Variants in CACNA1D observed in about 807,000 individuals in gnomAD.
CACNA1D encodes the protein calcium voltage-gated channel subunit alpha1 D, also known as voltage-dependent L-type calcium channel subunit alpha-1D.
In CACNA1D, 55 loss-of-function variants were observed where a neutral mutation model predicts 257.1. That is an observed-to-expected ratio of 0.21 (90% CI 0.17 to 0.27). The LOEUF is 0.27. CACNA1D is among the 10% of genes least tolerant of loss of function. The pLI is 1.00. For missense variants in CACNA1D, 1,876 were observed against 2,784.0 expected (o/e 0.67, Z 7.34); for synonymous variants, 980 against 1,014.9 (o/e 0.97, Z 0.65).
intron 3 of CACNA1D, among the ~76,000 whole-genome samples, chr3:53,607,572 G>A (rs1315595091): frequency 1.3e-5 from 2 of 152,254 alleles, no homozygotes; most frequent in East Asian, 3.8e-4. Context: ...GACAGCAAGA[G>A]TGGGGACCTG....
At chr3:53,683,408 C>G (rs1268259993) in intron 8 of CACNA1D, among the ~76,000 whole-genome samples, 1 of 152,160 alleles carries the variant, frequency 6.6e-6, no homozygotes, top group Non-Finnish European at 1.5e-5. Flanking sequence ...AGCATAGAAA[C>G]AAGCTTCAAA....
intron 29 of CACNA1D, among the ~76,000 whole-genome samples, chr3:53,758,804 A>C (rs1013664275): frequency 6.6e-6 from 1 of 152,222 alleles, no homozygotes; most frequent in Non-Finnish European, 1.5e-5. Flanking sequence ...ACACATCATC[A>C]TAGGCCAAGA....
rs551428890 is a variant in CACNA1D, at chr3:53,770,812, A to G, written c.4044+260A>G. On this transcript the variant is annotated intron_variant, in intron 32 of 47. Transcript: ENST00000350061. ...TCTGTAGCATTTCCAAGACTGAGAG[A>G]GGTGTGGGGCCTGCAGCCCTGCAGT... 6.8e-4 allele frequency among the ~76,000 whole-genome samples: 104 copies of G among 152,262 alleles called. 1 individual carries two copies. Among genetic ancestry groups the G allele is most frequent in the African/African-American group, 2.5e-3 (103 of 41,566 alleles).
At chr3:53,663,777 G>GTCTC (rs541515346) in intron 5 of CACNA1D, among the ~76,000 whole-genome samples, 71 of 149,578 alleles carry the variant, frequency 4.7e-4, no homozygotes, top group Non-Finnish European at 7.7e-4. Flanking sequence ...GGAAATAATC[G>GTCTC]TCTCTCTCTC....
In CACNA1D at chr3:53,699,682, A is replaced by G. The variant is rs547380659; in HGVS notation, c.1221-2959A>G. 1.4e-3 allele frequency among the ~76,000 whole-genome samples: 210 copies of G among 152,352 alleles called. 1 individual carries two copies. In the Middle Eastern group the frequency reaches 0.02, roughly 15 times the overall value. ...ATAAACCTCACCTCTGTCCACATCA[A>G]TAAATAATACCTTCCTGCTAAATAT... On this transcript the variant is annotated intron_variant, in intron 8 of 47. Coordinates refer to ENST00000350061, the MANE Select transcript of CACNA1D (RefSeq NM_001128840.3).
At chr3:53,627,908 G>A (rs764146904) in intron 3 of CACNA1D, among the ~76,000 whole-genome samples, 2 of 152,038 alleles carry the variant, frequency 1.3e-5, no homozygotes, top group Non-Finnish European at 2.9e-5. Flanking sequence ...AGCTACTCAG[G>A]AGGCAGAGGC....
chr3:53,702,017 G>A (rs1164615103), intron 8 of CACNA1D, among the ~76,000 whole-genome samples: 2 of 152,242 alleles, frequency 1.3e-5, no homozygotes, highest in Non-Finnish European at 2.9e-5. Context: ...TCCCATCTGG[G>A]AAGGGAGAAC....
chr3:53,642,593 C>T (rs1016831454), intron 3 of CACNA1D, among the ~76,000 whole-genome samples: 3 of 152,230 alleles, frequency 2.0e-5, no homozygotes, highest in Non-Finnish European at 4.4e-5. Flanking sequence ...TTTGCTCTGC[C>T]GGTGAGGAGG....
intron 29 of CACNA1D, among the ~76,000 whole-genome samples, chr3:53,759,024 C>G (rs180714305): frequency 6.6e-6 from 1 of 152,302 alleles, no homozygotes; most frequent in East Asian, 1.9e-4. Flanking sequence ...TCTCCCTCCC[C>G]TGGACTCCTG....
intron 8 of CACNA1D, chr3:53,674,038 T>G: frequency 1.6e-6 from 1 of 614,838 alleles, no homozygotes; most frequent in East Asian, 2.8e-5. Context: ...AATGAAAACG[T>G]TCCCCCAAAG....
intron 3 of CACNA1D, among the ~76,000 whole-genome samples, chr3:53,604,857 A>G (rs1443158115): frequency 6.6e-6 from 1 of 152,156 alleles, no homozygotes; most frequent in Non-Finnish European, 1.5e-5. Context: ...ATGTAAGAGG[A>G]TGGACATTCC....
intron 11 of CACNA1D, among the ~76,000 whole-genome samples, chr3:53,720,932 T>G (rs1041702594): frequency 1.3e-5 from 2 of 152,256 alleles, no homozygotes; most frequent in East Asian, 1.9e-4. Flanking sequence ...TGAAGATATA[T>G]GCCTACATAC....
At chr3:53,586,274 T>TGTG (rs1170253705) in intron 3 of CACNA1D, among the ~76,000 whole-genome samples, 1 of 128,920 alleles carries the variant, frequency 7.8e-6, no homozygotes, top group South Asian at 2.6e-4. Flanking sequence ...CTTGCCTCTA[T>TGTG]TCTGTGTGTG....
In CACNA1D at chr3:53,805,838, C is replaced by T. The variant is rs111210640; in HGVS notation, c.5749+692C>T. On this transcript the variant is annotated intron_variant, in intron 45 of 47. Coordinates refer to ENST00000350061, the MANE Select transcript of CACNA1D (RefSeq NM_001128840.3). ...CTCCTCCTCCTCCATCTTCCCTCCT[C>T]CTCCATCTTTCCTCCTCCTCCCTCA... Among the ~76,000 whole-genome samples the T allele has an allele frequency of 6.4e-3, 922 of 144,458 alleles. 16 individuals carry two copies. The highest frequency in any genetic ancestry group is 0.023 in the African/African-American group (867 of 38,176). 94.8% of individuals were successfully genotyped at this position (144,458 alleles called of 152,430 possible).
intron 40 of CACNA1D, among the ~76,000 whole-genome samples, chr3:53,797,541 A>G (rs1243278999): frequency 1.3e-5 from 2 of 152,210 alleles, no homozygotes; most frequent in East Asian, 1.9e-4. Flanking sequence ...GGAAGTGGCA[A>G]CTTGGGCCAC....
At chr3:53,549,662 C>T (rs1012943989) in intron 3 of CACNA1D, among the ~76,000 whole-genome samples, 2 of 152,160 alleles carry the variant, frequency 1.3e-5, no homozygotes, top group Admixed American at 1.3e-4. Context: ...CCCTAACTTA[C>T]AAGTTTCTTT....
At position 53,781,660 on chromosome 3, in the gene CACNA1D, A is replaced by G. The variant is rs199769196; in HGVS notation, c.4785A>G (p.Pro1595=). ...AATTACTTGACCAAGTTGTCCCTCC[A>G]GCTGGTGGTCAGTGCAGTCTATTTC... is the stretch of plus-strand genomic sequence containing the variant. ...SMKLLDQVVP[P]AGDDEVTVGK... Residue 1595 remains proline, a synonymous_variant, in exon 39 of 48, where the codon CCA becomes CCG. Transcript: ENST00000350061. 33 of 1,609,474 alleles carry G rather than the reference A, an allele frequency of 2.1e-5. 1 individual carries two copies. In the Admixed American group the frequency reaches 3.0e-4, roughly 15 times the overall value.
chr3:53,496,051 C>T lies in CACNA1D; in HGVS notation c.67+818C>T, dbSNP rs1181842124. On this transcript the variant is annotated intron_variant, in intron 1 of 47. Coordinates refer to ENST00000350061, the MANE Select transcript of CACNA1D (RefSeq NM_001128840.3). ...AGAAGCTTGACATGACTCGACTCGTCCCCGCTCCGATTGCCCGCCGCTCGC... is the reference window on the plus strand; with the variant it reads ...AGAAGCTTGACATGACTCGACTCGTTCCCGCTCCGATTGCCCGCCGCTCGC... Among the ~76,000 whole-genome samples the T allele has an allele frequency of 2.6e-5, 4 of 152,354 alleles. No individual in the cohort carries two copies. The East Asian group carries it at 5.8e-4, about 22-fold the overall frequency.
intron 8 of CACNA1D, among the ~76,000 whole-genome samples, chr3:53,695,721 A>G (rs917271649): frequency 6.6e-6 from 1 of 152,192 alleles, no homozygotes; most frequent in African/African-American, 2.4e-5. Flanking sequence ...TTTTGACCAC[A>G]TTGGTATTGA....
Sources: gnomAD v4.1 joint callset for allele counts (sites outside exome capture counted in the v4.1 genomes callset) on GRCh38, gnomAD v4.1.1 for gene constraint, MANE v1.5 for transcripts, NCBI Gene and HGNC (gene_info 2026-07-23, HGNC 2026-07-21) for gene names.